Variants in RAPGEF4 observed in about 807,000 individuals in gnomAD.
The protein encoded by RAPGEF4 is Rap guanine nucleotide exchange factor 4, also known as RAP guanine-nucleotide-exchange factor (GEF) 4.
RAPGEF4 carries 66 observed loss-of-function variants against 147.9 expected under a neutral mutation model. That is an observed-to-expected ratio of 0.45 (90% CI 0.37 to 0.55). The LOEUF is 0.55. Ranked by LOEUF, RAPGEF4 falls within the 20% of genes least tolerant of loss-of-function variation. The pLI, the probability that RAPGEF4 is intolerant of heterozygous loss-of-function variation, is 0.00. For synonymous variants in RAPGEF4, 419 were observed against 442.7 expected, an observed-to-expected ratio of 0.95 and a Z score of 0.67; for missense variants, 1,071 against 1,257.3, an observed-to-expected ratio of 0.85 and a Z score of 2.24.
chr2:173,039,970 G>A (rs906278648), intron 29 of RAPGEF4, among the ~76,000 whole-genome samples: 9 of 152,012 alleles, frequency 5.9e-5, no homozygotes, highest in South Asian at 2.1e-4. Context: ...TGGGCAGATC[G>A]CCTGAGGTCA....
chr2:172,985,666 A>G (rs776326412), intron 12 of RAPGEF4, among the ~76,000 whole-genome samples, 173 bp downstream of exon 12: 32 of 152,152 alleles, frequency 2.1e-4, no homozygotes, highest in Admixed American at 9.8e-4. Flanking sequence ...TTTCCAGCAC[A>G]TGTCAATTAT....
chr2:172,989,442 C>T (rs928547440), intron 14 of RAPGEF4, among the ~76,000 whole-genome samples: 3 of 151,976 alleles, frequency 2.0e-5, no homozygotes, highest in African/African-American at 7.2e-5. Context: ...CATTGGCAGG[C>T]AGGTGAATAA....
intron 4 of RAPGEF4, among the ~76,000 whole-genome samples, chr2:172,873,095 T>G (rs918369038): frequency 2.0e-4 from 30 of 152,216 alleles, no homozygotes; most frequent in African/African-American, 7.2e-4. Flanking sequence ...GGACAGAGTG[T>G]AAATCATTGA....
At chr2:172,873,085 G>A (rs1695438453) in intron 4 of RAPGEF4, among the ~76,000 whole-genome samples, 1 of 152,166 alleles carries the variant, frequency 6.6e-6, no homozygotes, top group African/African-American at 2.4e-5. Context: ...CAACTTTGGA[G>A]GACAGAGTGT....
intron 1 of RAPGEF4, among the ~76,000 whole-genome samples, chr2:172,766,860 G>A (rs999224228): frequency 6.6e-6 from 1 of 152,156 alleles, no homozygotes; most frequent in African/African-American, 2.4e-5. Context: ...TTTCTGAGTA[G>A]TATTCCATTG....
chr2:172,810,895 C>G (rs1285147475), intron 3 of RAPGEF4, among the ~76,000 whole-genome samples: 1 of 152,164 alleles, frequency 6.6e-6, no homozygotes, highest in Non-Finnish European at 1.5e-5. Flanking sequence ...TTCGGTTTCC[C>G]CAGAAGCAGA....
intron 6 of RAPGEF4, among the ~76,000 whole-genome samples, chr2:172,956,475 T>TC (rs1356634543): frequency 6.8e-6 from 1 of 147,910 alleles, no homozygotes; most frequent in Non-Finnish European, 1.5e-5. Context: ...TCTTTTTCTT[T>TC]TTTTTTTTTT....
intron 6 of RAPGEF4, among the ~76,000 whole-genome samples, chr2:172,950,858 A>C (rs1254738633): frequency 6.6e-6 from 1 of 152,216 alleles, no homozygotes; most frequent in African/African-American, 2.4e-5. Context: ...ACTAGATCCA[A>C]TCTTTAGAAA....
At chr2:172,854,189 T>A (rs1055026461) in intron 4 of RAPGEF4, among the ~76,000 whole-genome samples, 1 of 152,094 alleles carries the variant, frequency 6.6e-6, no homozygotes, top group East Asian at 1.9e-4. Context: ...GAGAGAACAG[T>A]ATTAGAATCT....
intron 23 of RAPGEF4, 105 bp from the exon 24 acceptor site, chr2:173,026,467 C>G: frequency 8.2e-7 from 1 of 1,212,888 alleles, no homozygotes. Context: ...TTCCTGAAAG[C>G]GTCCATCTCC....
chr2:172,848,002 C>T (rs376205902), intron 4 of RAPGEF4, among the ~76,000 whole-genome samples: 6 of 152,152 alleles, frequency 3.9e-5, no homozygotes, highest in Non-Finnish European at 7.4e-5. Flanking sequence ...CAACTCCTTA[C>T]AGAAGGACTC....
intron 6 of RAPGEF4, among the ~76,000 whole-genome samples, chr2:172,925,963 A>AG (rs1216690402): frequency 2.1e-4 from 17 of 82,504 alleles, no homozygotes; most frequent in Admixed American, 5.3e-4. Flanking sequence ...GGGGAGGGGG[A>AG]GGGGGGACAG....
At chr2:172,885,574 C>T (rs1458741247) in intron 4 of RAPGEF4, among the ~76,000 whole-genome samples, 1 of 152,188 alleles carries the variant, frequency 6.6e-6, no homozygotes, top group Non-Finnish European at 1.5e-5. Flanking sequence ...GCAAAAGGCA[C>T]TTCTTATGTG....
At chr2:172,761,953 C>T (rs1452137674) in intron 1 of RAPGEF4, among the ~76,000 whole-genome samples, 1 of 151,988 alleles carries the variant, frequency 6.6e-6, no homozygotes, top group Non-Finnish European at 1.5e-5. Flanking sequence ...AAAACCCGTC[C>T]CTAAATTAAA....
chr2:173,033,823 G>A, intron 26 of RAPGEF4, 91 bp from the exon 27 acceptor site: 1 of 1,183,662 alleles, frequency 8.4e-7, no homozygotes, highest in Non-Finnish European at 1.2e-6. Context: ...AGAGCCAATG[G>A]ATATATATTT....
At chr2:172,926,816 C>T (rs1359924271) in intron 6 of RAPGEF4, among the ~76,000 whole-genome samples, 3 of 152,136 alleles carry the variant, frequency 2.0e-5, no homozygotes, top group Non-Finnish European at 2.9e-5. Context: ...GTGATCTGCC[C>T]GACTCAGCCT....
chr2:172,839,018 C>A (rs913326463), intron 4 of RAPGEF4, among the ~76,000 whole-genome samples: 2 of 152,248 alleles, frequency 1.3e-5, no homozygotes, highest in South Asian at 4.1e-4. Flanking sequence ...CAGCTTTCTT[C>A]TGGTGTAGGT....
At chr2:172,822,096 A>C (rs1689132886) in intron 4 of RAPGEF4, 2 of 1,257,750 alleles carry the variant, frequency 1.6e-6, no homozygotes, top group South Asian at 1.4e-5. Flanking sequence ...ATTATGTTCC[A>C]CCAGACCCAA....
chr2:172,986,477 A>G (rs369885515), intron 12 of RAPGEF4, among the ~76,000 whole-genome samples: 1 of 152,200 alleles, frequency 6.6e-6, no homozygotes, highest in Non-Finnish European at 1.5e-5. Context: ...TTTAGTAAGA[A>G]TGTAACTTCT....
Sources: allele counts gnomAD v4.1 joint callset (sites outside exome capture counted in the v4.1 genomes callset), GRCh38; gene constraint gnomAD v4.1.1; transcripts MANE v1.5; gene names NCBI Gene and HGNC (gene_info 2026-07-23, HGNC 2026-07-21).